YIPF4: variants seen among roughly 807,000 people sequenced by gnomAD.
YIPF4 encodes protein YIPF4.
Under a neutral mutation model 29.4 loss-of-function variants are expected in YIPF4, and 18 were observed. That is an observed-to-expected ratio of 0.61 (90% CI 0.42 to 0.91). The LOEUF (loss-of-function observed/expected upper bound fraction) is 0.91. YIPF4 is among the 40% of genes least tolerant of loss of function. The pLI is 0.00. For synonymous variants in YIPF4, 115 were observed against 104.7 expected (o/e 1.10, Z -0.60); for missense variants, 279 against 282.7 (o/e 0.99, Z 0.09).
chr2:32,294,144 C>G (rs1333725510), intron 3 of YIPF4, among the ~76,000 whole-genome samples: 3 of 149,432 alleles, frequency 2.0e-5, no homozygotes, highest in African/African-American at 7.4e-5. Flanking sequence ...CCCTCCCAGA[C>G]GGGTCGGCTG....
intron 1 of YIPF4, among the ~76,000 whole-genome samples, chr2:32,290,170 T>G (rs1283503577): frequency 6.6e-6 from 1 of 152,222 alleles, no homozygotes; most frequent in Non-Finnish European, 1.5e-5. Flanking sequence ...TCATGTAATG[T>G]ATTTTGCATA....
At chr2:32,302,250 C>T (rs1169000430) in intron 5 of YIPF4, among the ~76,000 whole-genome samples, 4 of 150,396 alleles carry the variant, frequency 2.7e-5, no homozygotes, top group African/African-American at 4.9e-5. Flanking sequence ...AGGCTGGTCT[C>T]GAACTCCTGA....
chr2:32,293,796 A>G (rs1437361037), intron 3 of YIPF4, among the ~76,000 whole-genome samples: 13 of 146,074 alleles, frequency 8.9e-5, no homozygotes, highest in Non-Finnish European at 1.7e-4. Flanking sequence ...GCGGCTGGGC[A>G]GAGGCGCCCC....
At chr2:32,278,980 A>T (rs917082632) in intron 1 of YIPF4, among the ~76,000 whole-genome samples, 9 of 146,730 alleles carry the variant, frequency 6.1e-5, no homozygotes, top group East Asian at 2.0e-4. Context: ...GTCATTTTCA[A>T]TTTTTTTTTT....
chr2:32,312,527 CA>C lies in YIPF4; in HGVS notation c.*6904del, dbSNP rs1553356178. The C allele has an allele frequency of 8.9e-6, 1 of 111,952 alleles. No individual in the cohort carries two copies. The highest frequency in any genetic ancestry group is 1.9e-5 in the Non-Finnish European group (1 of 53,098). 6.9% of individuals were successfully genotyped at this position (111,952 alleles called of 1,614,324 possible). A position where few individuals can be genotyped will look rare whatever the true frequency, so the allele number is the denominator to read the frequency against. On this transcript the variant is annotated 3_prime_UTR_variant, in exon 6 of 6. Coordinates refer to ENST00000238831, the MANE Select transcript of YIPF4 (RefSeq NM_032312.4). The stretch of plus-strand genomic sequence containing the variant: ...AAAAAAAAAAAAAAAAAATTATTTT[CA>C]AAGGATTGTGCTAGTGGTGGCCTGA...
rs1239107507 is a variant in YIPF4, at chr2:32,316,063, A to T, written c.*10437A>T. ...AAACCAAAAAAAAAAAAAAAGTATA[A>T]AGCACAGAAGCGAAAGGAAAAGTGA... On this transcript the variant is annotated 3_prime_UTR_variant, in exon 6 of 6. Transcript: ENST00000238831. The T allele has an allele frequency of 1.3e-5, 2 of 151,664 alleles. No homozygotes were observed. The highest frequency in any genetic ancestry group is 2.9e-5 in the Non-Finnish European group (2 of 67,922). 9.4% of individuals were successfully genotyped at this position (151,664 alleles called of 1,614,324 possible). A position where few individuals can be genotyped will look rare whatever the true frequency, so the allele number is the denominator to read the frequency against.
At chr2:32,295,031 C>G (rs1315698684) in intron 3 of YIPF4, among the ~76,000 whole-genome samples, 1 of 128,620 alleles carries the variant, frequency 7.8e-6, no homozygotes, top group Non-Finnish European at 1.6e-5. Flanking sequence ...AGTCCAGCTT[C>G]GGCTCGGCAT....
intron 1 of YIPF4, among the ~76,000 whole-genome samples, chr2:32,289,621 A>G (rs145772035): frequency 1.3e-3 from 200 of 152,252 alleles, no homozygotes; most frequent in African/African-American, 3.9e-3. Flanking sequence ...TTTAATCCCT[A>G]TGTGACCTCA....
intron 3 of YIPF4, among the ~76,000 whole-genome samples, chr2:32,292,805 A>C (rs2030974613): frequency 6.7e-6 from 1 of 149,124 alleles, no homozygotes. Context: ...CCGAGGTTGC[A>C]GTGAGCCAAG....
Position 32,278,189 on chromosome 2 carries a change from C to G in YIPF4, c.34C>G (p.Pro12Ala). The change falls in exon 1 of 6, where the codon CCC becomes GCC. Residue 12 changes from proline (P) to alanine (A), a missense_variant. By Grantham distance (27) the Pro-to-Ala change is conservative. Coordinates refer to ENST00000238831, the MANE Select transcript of YIPF4 (RefSeq NM_032312.4). ...TCCGGGCCCGCCCCCGGCCTATGCC[C>G]CCACTAACGGGGACTTCACCTTTGT... ...QPPGPPPAYA[P>A]TNGDFTFVSS... 1 of 1,573,986 alleles carries G rather than the reference C, an allele frequency of 6.4e-7. No individual in the cohort carries two copies. Among genetic ancestry groups the G allele is most frequent in the Non-Finnish European group, 8.6e-7 (1 of 1,160,430 alleles).
At chr2:32,289,583 A>G (rs983630589) in intron 1 of YIPF4, among the ~76,000 whole-genome samples, 1 of 152,188 alleles carries the variant, frequency 6.6e-6, no homozygotes, top group Admixed American at 6.5e-5. Flanking sequence ...AATGTATATT[A>G]TCTGGTCCTA....
At chr2:32,300,171 C>G (rs2148966152) in intron 4 of YIPF4, among the ~76,000 whole-genome samples, 1 of 152,320 alleles carries the variant, frequency 6.6e-6, no homozygotes, top group African/African-American at 2.4e-5. Flanking sequence ...GAAGCTGAGG[C>G]AGGAGAATCT....
At chr2:32,296,410 G>A (rs1317292156) in intron 3 of YIPF4, among the ~76,000 whole-genome samples, 1 of 151,012 alleles carries the variant, frequency 6.6e-6, no homozygotes, top group Non-Finnish European at 1.5e-5. Flanking sequence ...GGTGGAGATT[G>A]CATTGAGCCG....
At chr2:32,280,699 G>A (rs1242143934) in intron 1 of YIPF4, among the ~76,000 whole-genome samples, 1 of 152,034 alleles carries the variant, frequency 6.6e-6, no homozygotes, top group East Asian at 1.9e-4. Context: ...TGAACATTTT[G>A]TAGATCTCAC....
intron 1 of YIPF4, among the ~76,000 whole-genome samples, chr2:32,279,900 C>CTTT (rs763736310): frequency 1.6e-5 from 2 of 127,584 alleles, no homozygotes; most frequent in African/African-American, 2.9e-5. Context: ...CTCTTATGTT[C>CTTT]TTTTTTTTTT....
At chr2:32,301,556 C>T (rs940822513) in intron 5 of YIPF4, 61 bp downstream of exon 5, 2 of 1,140,642 alleles carry the variant, frequency 1.8e-6, no homozygotes, top group Middle Eastern at 4.0e-4. Context: ...GTATACTAGG[C>T]CTCTAGCTAG....
At chr2:32,283,531 C>T (rs1173906200) in intron 1 of YIPF4, among the ~76,000 whole-genome samples, 3 of 152,148 alleles carry the variant, frequency 2.0e-5, no homozygotes, top group Non-Finnish European at 4.4e-5. Flanking sequence ...TTCTCCTCCT[C>T]GCCTTAAGTT....
chr2:32,295,229 C>A (rs1487928222), intron 3 of YIPF4, among the ~76,000 whole-genome samples: 1 of 152,146 alleles, frequency 6.6e-6, no homozygotes, highest in East Asian at 1.9e-4. Flanking sequence ...CACCAAAACA[C>A]AACATATATA....
chr2:32,302,249 T>G (rs939247325), intron 5 of YIPF4, among the ~76,000 whole-genome samples: 1 of 151,342 alleles, frequency 6.6e-6, no homozygotes, highest in Non-Finnish European at 1.5e-5. Context: ...CAGGCTGGTC[T>G]CGAACTCCTG....
Sources: allele counts gnomAD v4.1 joint callset (sites outside exome capture counted in the v4.1 genomes callset), GRCh38; gene constraint gnomAD v4.1.1; transcripts MANE v1.5; gene names NCBI Gene and HGNC (gene_info 2026-07-23, HGNC 2026-07-21).